Variants in ALK observed in about 807,000 individuals in gnomAD.
The protein encoded by ALK is ALK receptor tyrosine kinase.
ALK carries 74 observed loss-of-function variants against 163.1 expected under a neutral mutation model. That is an observed-to-expected ratio of 0.45 (90% CI 0.38 to 0.55). ALK has a LOEUF of 0.55. Ranked by LOEUF, ALK falls within the 20% of genes least tolerant of loss-of-function variation. The pLI is 0.00. For missense variants in ALK, 2,063 were observed against 2,105.3 expected, an observed-to-expected ratio of 0.98 and a Z score of 0.39; for synonymous variants, 960 against 843.2, an observed-to-expected ratio of 1.14 and a Z score of -2.40.
chr2:29,659,475 G>C (rs886975344), intron 3 of ALK, among the ~76,000 whole-genome samples: 2 of 152,056 alleles, frequency 1.3e-5, no homozygotes, highest in Non-Finnish European at 2.9e-5. Context: ...TTCTCAACTG[G>C]TCACAAAACC....
At chr2:29,746,809 T>C (rs1680217148) in intron 1 of ALK, among the ~76,000 whole-genome samples, 1 of 152,226 alleles carries the variant, frequency 6.6e-6, no homozygotes, top group Non-Finnish European at 1.5e-5. Flanking sequence ...GTTTGAACCA[T>C]ATGCCTAGTG....
chr2:29,800,590 G>A (rs1048749454), intron 1 of ALK, among the ~76,000 whole-genome samples: 1 of 152,136 alleles, frequency 6.6e-6, no homozygotes, highest in Admixed American at 6.5e-5. Context: ...ATTAGGATTA[G>A]GGTACCCAGG....
At chr2:29,224,973 C>G (rs2148174986) in intron 19 of ALK, among the ~76,000 whole-genome samples, 1 of 152,202 alleles carries the variant, frequency 6.6e-6, no homozygotes, top group East Asian at 1.9e-4. Context: ...ACCTGCAGGT[C>G]AGCTCACCTT....
chr2:29,219,415 C>T (rs980507122), intron 23 of ALK, among the ~76,000 whole-genome samples: 8 of 152,222 alleles, frequency 5.3e-5, no homozygotes, highest in Admixed American at 2.6e-4. Flanking sequence ...CTTCCATCAC[C>T]ACTTTGAGTC....
intron 1 of ALK, among the ~76,000 whole-genome samples, chr2:29,850,229 A>C (rs1411614370): frequency 6.6e-6 from 1 of 152,216 alleles, no homozygotes; most frequent in African/African-American, 2.4e-5. Context: ...GAAACCAAAG[A>C]GCCCATAGAA....
intron 5 of ALK, among the ~76,000 whole-genome samples, chr2:29,369,583 G>A (rs11886690): frequency 0.27 from 41,342 of 152,050 alleles, 5,911 homozygotes; most frequent in African/African-American, 0.34. Context: ...CTTCACTGAT[G>A]ACGGAGCTGG....
At chr2:29,814,806 A>ATCCC (rs1664852710) in intron 1 of ALK, among the ~76,000 whole-genome samples, 1 of 151,516 alleles carries the variant, frequency 6.6e-6, no homozygotes, top group Admixed American at 6.6e-5. Context: ...AATGGGACTA[A>ATCCC]TCCCTATTCA....
intron 4 of ALK, among the ~76,000 whole-genome samples, chr2:29,516,604 A>G (rs981595083): frequency 1.1e-4 from 17 of 152,156 alleles, no homozygotes; most frequent in African/African-American, 4.1e-4. Context: ...TCTCTTCTGG[A>G]GGGGTCACAT....
intron 4 of ALK, among the ~76,000 whole-genome samples, chr2:29,457,141 C>G (rs897345846): frequency 1.3e-5 from 2 of 152,042 alleles, no homozygotes; most frequent in African/African-American, 4.8e-5. Flanking sequence ...GGAGATGTAC[C>G]TCTCTGGGTC....
At chr2:29,846,250 C>A (rs950605447) in intron 1 of ALK, among the ~76,000 whole-genome samples, 2 of 152,098 alleles carry the variant, frequency 1.3e-5, no homozygotes, top group East Asian at 1.9e-4. Flanking sequence ...TTGGCACTTG[C>A]CCCCCCACCT....
chr2:29,298,211 T>C (rs1280778040), intron 8 of ALK, among the ~76,000 whole-genome samples: 1 of 152,214 alleles, frequency 6.6e-6, no homozygotes, highest in African/African-American at 2.4e-5. Context: ...CCCTGGACCT[T>C]GTAAGCCTGG....
At chr2:29,737,127 T>C (rs984172461) in intron 1 of ALK, among the ~76,000 whole-genome samples, 1 of 152,140 alleles carries the variant, frequency 6.6e-6, no homozygotes, top group Non-Finnish European at 1.5e-5. Flanking sequence ...TTTACAAATA[T>C]GTTAATTTTA....
rs1167855623 is a variant in ALK, at chr2:29,591,026, G to C, written c.953-58910C>G. Among the ~76,000 whole-genome samples the C allele has an allele frequency of 6.2e-5, 8 of 128,376 alleles. No homozygotes were observed. In the East Asian group the frequency reaches 1.7e-3, roughly 27 times the overall value. The allele number at this position is 128,376 out of a possible 152,430, so 84.2% of individuals were successfully genotyped here. ...GCGGAGCTTGCAGTGAGCCGAGATC[G>C]CGCCACCGCACTCCAACCTGGGAGA... On this transcript the variant is annotated intron_variant, in intron 3 of 28. Coordinates refer to ENST00000389048, the MANE Select transcript of ALK (RefSeq NM_004304.5).
chr2:29,297,410 C>T (rs186033438), intron 8 of ALK, among the ~76,000 whole-genome samples: 6 of 152,280 alleles, frequency 3.9e-5, no homozygotes, highest in African/African-American at 1.4e-4. Flanking sequence ...TAAAGAGTAG[C>T]CAAAGATTCT....
intron 2 of ALK, among the ~76,000 whole-genome samples, chr2:29,696,935 AAT>A (rs1313425436): frequency 6.0e-5 from 9 of 150,474 alleles, no homozygotes; most frequent in Non-Finnish European, 1.2e-4. Flanking sequence ...TAAAAAAAAA[AAT>A]AAAATAAAAT....
At chr2:29,523,779 A>T (rs1005656564) in intron 4 of ALK, among the ~76,000 whole-genome samples, 8 of 151,860 alleles carry the variant, frequency 5.3e-5, no homozygotes, top group Non-Finnish European at 1.0e-4. Context: ...GTGAGAAAGC[A>T]AAAGCAGCAG....
At chr2:29,723,191 T>C (rs917967720) in intron 1 of ALK, among the ~76,000 whole-genome samples, 3 of 152,154 alleles carry the variant, frequency 2.0e-5, no homozygotes, top group Admixed American at 6.5e-5. Flanking sequence ...TTTGCAACCA[T>C]TTTCCCTCAT....
chr2:29,476,615 C>T (rs552686091), intron 4 of ALK, among the ~76,000 whole-genome samples: 48 of 151,988 alleles, frequency 3.2e-4, no homozygotes, highest in Non-Finnish European at 4.9e-4. Context: ...CCCTGAGACC[C>T]GGGGGAGTTT....
At chr2:29,834,017 A>G (rs1665491531) in intron 1 of ALK, among the ~76,000 whole-genome samples, 2 of 152,222 alleles carry the variant, frequency 1.3e-5, no homozygotes, top group Admixed American at 1.3e-4. Context: ...AATAGGACAC[A>G]TGGTTGGGCA....
Sources: allele counts gnomAD v4.1 joint callset (sites outside exome capture counted in the v4.1 genomes callset), GRCh38; gene constraint gnomAD v4.1.1; transcripts MANE v1.5; gene names NCBI Gene and HGNC (gene_info 2026-07-23, HGNC 2026-07-21).